The following SLC25A13 variants were observed in gnomAD, a reference collection of about 807,000 sequenced individuals.
The protein encoded by SLC25A13 is electrogenic aspartate/glutamate antiporter SLC25A13, mitochondrial.
In SLC25A13, 70 loss-of-function variants were observed where a neutral mutation model predicts 85.5. The observed-to-expected ratio is 0.82, with a 90% CI of 0.68 to 1.00. The LOEUF (loss-of-function observed/expected upper bound fraction) is 1.00, where lower values mean the gene tolerates loss of function less well. Among genes scored for constraint, SLC25A13 ranks in the 50% least tolerant of loss-of-function variants. The pLI is 0.00. For synonymous variants in SLC25A13, 259 were observed against 288.7 expected, an observed-to-expected ratio of 0.90 and a Z score of 1.04; for missense variants, 765 against 819.8, an observed-to-expected ratio of 0.93 and a Z score of 0.82.
intron 13 of SLC25A13, among the ~76,000 whole-genome samples, chr7:96,168,494 G>C (rs772805204): frequency 6.6e-6 from 1 of 151,950 alleles, no homozygotes; most frequent in Non-Finnish European, 1.5e-5. Context: ...GTTTGAAATG[G>C]GCGGCCGCAT....
intron 11 of SLC25A13, among the ~76,000 whole-genome samples, chr7:96,181,139 G>C (rs947036413): frequency 6.6e-6 from 1 of 152,192 alleles, no homozygotes; most frequent in Non-Finnish European, 1.5e-5. Context: ...GCACTGTAGA[G>C]AAGGTTTGCA....
intron 13 of SLC25A13, among the ~76,000 whole-genome samples, chr7:96,167,351 A>C (rs1793796644): frequency 2.0e-5 from 3 of 152,214 alleles, no homozygotes; most frequent in South Asian, 4.1e-4. Context: ...TTTAGTGACA[A>C]TCATTTTTTC....
intron 1 of SLC25A13, among the ~76,000 whole-genome samples, chr7:96,318,193 C>T (rs1800201033): frequency 6.6e-6 from 1 of 152,126 alleles, no homozygotes; most frequent in African/African-American, 2.4e-5. Flanking sequence ...TTCAGTTTTA[C>T]CCCAGAACAT....
At chr7:96,279,363 A>C (rs1435192954) in intron 2 of SLC25A13, among the ~76,000 whole-genome samples, 2 of 152,226 alleles carry the variant, frequency 1.3e-5, no homozygotes, top group South Asian at 4.1e-4. Flanking sequence ...ACTGCTAATA[A>C]AGACATACCT....
At chr7:96,264,969 G>A (rs1388279592) in intron 3 of SLC25A13, among the ~76,000 whole-genome samples, 4 of 152,200 alleles carry the variant, frequency 2.6e-5, no homozygotes, top group African/African-American at 9.7e-5. Context: ...GTAATATGTT[G>A]TTTTGGTTGA....
At chr7:96,175,856 C>T (rs1794199714) in intron 11 of SLC25A13, among the ~76,000 whole-genome samples, 1 of 152,220 alleles carries the variant, frequency 6.6e-6, no homozygotes, top group Admixed American at 6.5e-5. Context: ...TGATTAACTT[C>T]AACTTAGAAT....
At chr7:96,269,410 A>T (rs6942924) in intron 3 of SLC25A13, among the ~76,000 whole-genome samples, 3,620 of 152,374 alleles carry the variant, frequency 0.024, 80 homozygotes, top group African/African-American at 0.056. Context: ...TTTAGGAAGC[A>T]GCCATGCCCT....
At chr7:96,248,302 C>T (rs1797282371) in intron 3 of SLC25A13, among the ~76,000 whole-genome samples, 1 of 152,082 alleles carries the variant, frequency 6.6e-6, no homozygotes, top group African/African-American at 2.4e-5. Context: ...CTTACCACTC[C>T]TAGTATAGGA....
chr7:96,224,094 CACA>C (rs745861205), intron 4 of SLC25A13, among the ~76,000 whole-genome samples: 1 of 152,150 alleles, frequency 6.6e-6, no homozygotes, highest in Non-Finnish European at 1.5e-5. Flanking sequence ...AACTATCACT[CACA>C]ACATGTCTGT....
At chr7:96,247,720 A>G (rs1190437111) in intron 3 of SLC25A13, among the ~76,000 whole-genome samples, 1 of 152,172 alleles carries the variant, frequency 6.6e-6, no homozygotes, top group Non-Finnish European at 1.5e-5. Context: ...TTATTGACAT[A>G]TAATTGACAA....
intron 4 of SLC25A13, among the ~76,000 whole-genome samples, chr7:96,209,385 C>CACA (rs1554354161): frequency 2.0e-5 from 3 of 151,388 alleles, no homozygotes; most frequent in East Asian, 3.9e-4. Flanking sequence ...CACACACACA[C>CACA]GATACAAGCG....
At position 96,189,318 on chromosome 7, in the gene SLC25A13, A is replaced by G. The variant is rs1794753235; in HGVS notation, c.909T>C (p.Phe303=). 1 of 1,614,174 alleles carries G rather than the reference A, an allele frequency of 6.2e-7. No individual in the cohort carries two copies. Among genetic ancestry groups the G allele is most frequent in the African/African-American group, 1.3e-5 (1 of 75,052 alleles). ...IAPLEEGTLP[F]NLAEAQRQKA... is the part of the protein sequence containing the mutation. ...CCTGCCTCTGGGCCTCAGCCAAGTT[A>G]AAGGGCAGAGTTCCCTCTTCCAGAG... Residue 303 remains phenylalanine (F), a synonymous_variant, in exon 9 of 18, where the codon TTT becomes TTC. Coordinates refer to ENST00000265631, the MANE Select transcript of SLC25A13 (RefSeq NM_014251.3).
Position 96,290,414 on chromosome 7 carries a change from C to T in SLC25A13, c.69+6484G>A, listed in dbSNP as rs4549707. On this transcript the variant is annotated intron_variant, in intron 2 of 17. Coordinates refer to ENST00000265631, the MANE Select transcript of SLC25A13 (RefSeq NM_014251.3). ...AACATCATAAAGACAGGATCAAATT[C>T]ACACATAACAATATTAACCTTAAAT... 2.0e-5 allele frequency among the ~76,000 whole-genome samples: 3 copies of T among 152,158 alleles called. No homozygotes were observed. The East Asian group carries it at 5.8e-4, about 29-fold the overall frequency.
rs1400606047 is a variant in SLC25A13, at chr7:96,171,438, C to T, written c.1230+34G>A. 7 of 1,585,180 alleles carry T rather than the reference C, an allele frequency of 4.4e-6. No homozygotes were observed. The South Asian group carries it at 7.7e-5, about 18-fold the overall frequency. ...CTAGATTCTTGAGTATGTACAAAAT[C>T]CCTTAATAAGAAGCACCAACTCAAA... is the stretch of plus-strand genomic sequence containing the variant. On this transcript the variant is annotated intron_variant, in intron 12 of 17. Transcript: ENST00000265631.
At chr7:96,303,291 C>T (rs1027335954) in intron 1 of SLC25A13, among the ~76,000 whole-genome samples, 1 of 152,006 alleles carries the variant, frequency 6.6e-6, no homozygotes, top group African/African-American at 2.4e-5. Flanking sequence ...AAATATTTGC[C>T]TTAGATAAGA....
At chr7:96,232,448 GA>G (rs1796578627) in intron 4 of SLC25A13, among the ~76,000 whole-genome samples, 1 of 152,068 alleles carries the variant, frequency 6.6e-6, no homozygotes, top group Non-Finnish European at 1.5e-5. Context: ...GTGGAGGGTA[GA>G]AGGTGGGAGG....
At chr7:96,128,500 T>C (rs2116410054) in intron 15 of SLC25A13, among the ~76,000 whole-genome samples, 1 of 152,292 alleles carries the variant, frequency 6.6e-6, no homozygotes, top group South Asian at 2.1e-4. Flanking sequence ...ACCATCAAGC[T>C]TTGTAGCTTA....
chr7:96,132,193 G>C (rs1019775994), intron 14 of SLC25A13, among the ~76,000 whole-genome samples: 2 of 152,086 alleles, frequency 1.3e-5, no homozygotes, highest in African/African-American at 4.8e-5. Flanking sequence ...ATCCCTACTG[G>C]TGGCAAGCCA....
In SLC25A13 at chr7:96,193,055, T is replaced by C. The variant is rs759822371; in HGVS notation, c.597A>G (p.Val199=). ...AACTTACAGCTACTAGACATTCTTC[T>C]ACAAAAGGAGTCAAGACATGGGGGC... ...TIRPHVLTPF[V]EECLVAAAGG... is the part of the protein sequence containing the mutation. Residue 199 remains valine, a synonymous_variant, in exon 6 of 18, where the codon GTA becomes GTG. Transcript: ENST00000265631. The C allele has an allele frequency of 6.2e-6, 10 of 1,614,098 alleles. No homozygotes were observed. Among genetic ancestry groups the C allele is most frequent in the East Asian group, 2.2e-5 (1 of 44,868 alleles).
Sources: allele counts gnomAD v4.1 joint callset (sites outside exome capture counted in the v4.1 genomes callset), GRCh38; gene constraint gnomAD v4.1.1; transcripts MANE v1.5; gene names NCBI Gene and HGNC (gene_info 2026-07-23, HGNC 2026-07-21).